The following PCDH7 variants were observed in gnomAD, a reference collection of about 807,000 sequenced individuals.
The protein encoded by PCDH7 is protocadherin-7.
In PCDH7, 17 loss-of-function variants were observed where a neutral mutation model predicts 58.9. That is an observed-to-expected ratio of 0.29 (90% CI 0.20 to 0.43). The LOEUF is 0.43. Among genes scored for constraint, PCDH7 ranks in the 20% least tolerant of loss-of-function variants. PCDH7 has a pLI of 1.00. For missense variants in PCDH7, 1,274 were observed against 1,441.0 expected (o/e 0.88, Z 1.88); for synonymous variants, 664 against 616.4 (o/e 1.08, Z -1.14).
chr4:30,779,006 T>TTG (rs1722441323), intron 1 of PCDH7, among the ~76,000 whole-genome samples: 1 of 138,236 alleles, frequency 7.2e-6, no homozygotes, highest in Non-Finnish European at 1.5e-5. Flanking sequence ...TTACTCCGTT[T>TTG]TTTTTTTTTT....
At chr4:30,940,547 G>A (rs1745905679) in intron 2 of PCDH7, among the ~76,000 whole-genome samples, 1 of 151,906 alleles carries the variant, frequency 6.6e-6, no homozygotes, top group Non-Finnish European at 1.5e-5. Context: ...CAAAGATTTA[G>A]TTTCTTCTTA....
At chr4:30,934,835 T>C (rs1281840660) in intron 2 of PCDH7, among the ~76,000 whole-genome samples, 1 of 152,126 alleles carries the variant, frequency 6.6e-6, no homozygotes, top group Non-Finnish European at 1.5e-5. Context: ...TTGCAAAGAA[T>C]TGGAGCCAGA....
rs916393932 is a variant in PCDH7 at position 30,876,688 on chromosome 4, G to A, written c.71-43465G>A. On this transcript the variant is annotated intron_variant, in intron 1 of 3. Transcript: ENST00000509759. The stretch of plus-strand genomic sequence containing the variant: ...GAAGTGAAGCAAAGGTACATAAGGT[G>A]GAGATGTGAGTCATTTACCTGTAAC... 2.4e-4 allele frequency among the ~76,000 whole-genome samples: 37 copies of A among 151,916 alleles called. 1 individual carries two copies. The highest frequency in any genetic ancestry group is 4.4e-5 in the Non-Finnish European group (3 of 67,954).
At chr4:30,734,617 A>T (rs191539339), downstream of PCDH7, among the ~76,000 whole-genome samples, 23 of 152,312 alleles carry the variant, frequency 1.5e-4, no homozygotes, top group East Asian at 3.9e-3. Flanking sequence ...CTGTCTTCAT[A>T]CATAGGACAA....
intron 3 of PCDH7, among the ~76,000 whole-genome samples, chr4:31,047,024 T>C (rs141561714): frequency 4.9e-4 from 75 of 152,210 alleles, no homozygotes; most frequent in African/African-American, 1.7e-3. Flanking sequence ...TAATTGTATA[T>C]AATTTTGATA....
intron 1 of PCDH7, among the ~76,000 whole-genome samples, chr4:30,883,223 GA>G (rs536531766): frequency 5.9e-5 from 9 of 152,236 alleles, no homozygotes; most frequent in African/African-American, 2.2e-4. Context: ...TTTTATAGAG[GA>G]AAAAACCTAG....
chr4:30,781,216 T>C (rs1017760468), intron 1 of PCDH7, among the ~76,000 whole-genome samples: 22 of 151,168 alleles, frequency 1.5e-4, no homozygotes, highest in African/African-American at 4.9e-4. Context: ...CAAGGCGTTC[T>C]TCTTTTTTTT....
At chr4:30,867,964 A>G (rs551508597) in intron 1 of PCDH7, among the ~76,000 whole-genome samples, 5 of 152,014 alleles carry the variant, frequency 3.3e-5, no homozygotes, top group Non-Finnish European at 5.9e-5. Flanking sequence ...CTATAAGAGG[A>G]TGTCATAAAA....
At chr4:30,827,291 G>A (rs1285883545) in intron 1 of PCDH7, among the ~76,000 whole-genome samples, 2 of 152,062 alleles carry the variant, frequency 1.3e-5, no homozygotes, top group African/African-American at 4.8e-5. Flanking sequence ...CCATTTGAAA[G>A]CTAAGGCAAC....
chr4:30,877,199 C>A (rs1300548185), intron 1 of PCDH7, among the ~76,000 whole-genome samples: 2 of 151,698 alleles, frequency 1.3e-5, no homozygotes, highest in African/African-American at 4.8e-5. Context: ...GAAAGAATAA[C>A]AACAAAAAAA....
At chr4:30,806,976 A>G (rs1726300282) in intron 1 of PCDH7, among the ~76,000 whole-genome samples, 2 of 152,138 alleles carry the variant, frequency 1.3e-5, no homozygotes, top group Admixed American at 6.5e-5. Context: ...TCACTATTAG[A>G]CAGTACACTG....
In PCDH7 at chr4:30,779,883, A is replaced by G. The variant is rs993995400; in HGVS notation, c.70+55287A>G. Among the ~76,000 whole-genome samples, 9 of 152,148 alleles carry G rather than the reference A, an allele frequency of 5.9e-5. No individual in the cohort carries two copies. In the South Asian group the frequency reaches 1.4e-3, roughly 25 times the overall value. Reference sequence around the variant, plus strand: ...TCATTTAAGGACAGCCAAACTTGCTATTCACTTCATCTTCTCATTAGCATC... The same window carrying G: ...TCATTTAAGGACAGCCAAACTTGCTGTTCACTTCATCTTCTCATTAGCATC... On this transcript the variant is annotated intron_variant, in intron 1 of 3. Coordinates refer to the PCDH7 transcript ENST00000509759.
At chr4:31,012,497 G>A (rs1038465130) in intron 3 of PCDH7, among the ~76,000 whole-genome samples, 30 of 149,938 alleles carry the variant, frequency 2.0e-4, no homozygotes, top group African/African-American at 6.8e-4. Context: ...ACTAGGCATT[G>A]GGTACAAGGT....
rs200248304 is a variant in PCDH7, at chr4:30,973,944, T to TA, written c.*7+23735dup. 9.4e-3 allele frequency among the ~76,000 whole-genome samples: 1,430 copies of TA among 152,174 alleles called. 13 individuals carry two copies. The highest frequency in any genetic ancestry group is 0.014 in the Non-Finnish European group (933 of 68,006). ...TCTCTCTTTTAGAAAAACTAAACTT[T>TA]AAAAAATCACTAGTAAAACAGCAAT... On this transcript the variant is annotated intron_variant, in intron 3 of 3. Coordinates refer to the PCDH7 transcript ENST00000509759.
At chr4:30,859,046 A>G (rs909308838) in intron 1 of PCDH7, among the ~76,000 whole-genome samples, 2 of 152,170 alleles carry the variant, frequency 1.3e-5, no homozygotes, top group Admixed American at 1.3e-4. Flanking sequence ...TAGCTACAGT[A>G]TCCTGCAAAC....
intron 1 of PCDH7, among the ~76,000 whole-genome samples, chr4:30,752,783 CAAAAA>C (rs35860745): frequency 8.0e-5 from 8 of 99,544 alleles, no homozygotes; most frequent in Non-Finnish European, 1.4e-4. Flanking sequence ...CCTGTAGGGG[CAAAAA>C]AAAAAAAAAA....
chr4:30,879,273 C>CT (rs1328592944), intron 1 of PCDH7, among the ~76,000 whole-genome samples: 1 of 148,334 alleles, frequency 6.7e-6, no homozygotes, highest in Non-Finnish European at 1.5e-5. Context: ...TGGTTCTTTC[C>CT]TTTTTTCCTC....
rs199892825 is a variant in PCDH7, at chr4:30,824,079, TTTTCTTTCTTTCTTTCTTTCTTTCTTTC to T, written c.71-96018_71-95991del. Among the ~76,000 whole-genome samples, 428 of 91,578 alleles carry T rather than the reference TTTTCTTTCTTTCTTTCTTTCTTTCTTTC, an allele frequency of 4.7e-3. 1 individual carries two copies. Among genetic ancestry groups the T allele is most frequent in the South Asian group, 0.011 (29 of 2,540 alleles). 60.1% of individuals were successfully genotyped at this position (91,578 alleles called of 152,430 possible). A position where few individuals can be genotyped will look rare whatever the true frequency, so the allele number is the denominator to read the frequency against. On this transcript the variant is annotated intron_variant, in intron 1 of 3. Transcript: ENST00000509759. ...TAGTCTGTAATTAAAGCGGGGTTTC[TTTTCTTTCTTTCTTTCTTTCTTTCTTTC>T]TTTCTTTCTTTCTTTCTTTCTTTCT...
intron 3 of PCDH7, among the ~76,000 whole-genome samples, chr4:31,057,147 C>T (rs1164950324): frequency 6.6e-6 from 1 of 152,008 alleles, no homozygotes; most frequent in East Asian, 1.9e-4. Context: ...TATTCTTTTG[C>T]CAACTTTCAA....
Sources: allele counts gnomAD v4.1 joint callset (sites outside exome capture counted in the v4.1 genomes callset), GRCh38; gene constraint gnomAD v4.1.1; transcripts MANE v1.5; gene names NCBI Gene and HGNC (gene_info 2026-07-23, HGNC 2026-07-21).